CLEC2L: variants seen among roughly 807,000 people sequenced by gnomAD.
CLEC2L encodes C-type lectin domain family 2 member L, also known as C-type lectin domain family 2, member L.
A neutral mutation model predicts 23.6 loss-of-function variants in CLEC2L; 14 were observed. The observed-to-expected ratio is 0.59, with a 90% CI of 0.39 to 0.93. The LOEUF (loss-of-function observed/expected upper bound fraction) is 0.93. CLEC2L is among the 40% of genes least tolerant of loss of function. The pLI is 0.00. For synonymous variants in CLEC2L, 114 were observed against 121.3 expected (o/e 0.94, Z 0.40); for missense variants, 264 against 282.4 (o/e 0.93, Z 0.47).
chr7:139,538,806 G>C (rs1797696955), intron 2 of CLEC2L, among the ~76,000 whole-genome samples: 1 of 152,096 alleles, frequency 6.6e-6, no homozygotes, highest in Non-Finnish European at 1.5e-5. Flanking sequence ...CAACCACTGG[G>C]CCTAGCTTAA....
At chr7:139,525,547 C>T (rs1439006829) in intron 1 of CLEC2L, among the ~76,000 whole-genome samples, 1 of 151,282 alleles carries the variant, frequency 6.6e-6, no homozygotes, top group South Asian at 2.1e-4. Flanking sequence ...TGGTCAGACA[C>T]CCCCCCGTGA....
chr7:139,529,532 G>C (rs907861601), intron 1 of CLEC2L, among the ~76,000 whole-genome samples: 2 of 152,184 alleles, frequency 1.3e-5, no homozygotes, highest in African/African-American at 4.8e-5. Flanking sequence ...GTAGCTCCAG[G>C]AAACTGTGAT....
Position 139,540,376 on chromosome 7 carries a change from C to T in CLEC2L, c.321C>T (p.Tyr107=), listed in dbSNP as rs764635541. 9.9e-6 allele frequency: 16 copies of T among 1,611,434 alleles called. No individual in the cohort carries two copies. The highest frequency in any genetic ancestry group is 6.7e-5 in the East Asian group (3 of 44,850). ...EAPCPEDWLL[Y]GRKCYFFSEE... The stretch of plus-strand genomic sequence containing the variant: ...CCTGCCCGGAGGACTGGCTGCTCTA[C>T]GGAAGGAAGTGCTACTTCTTTTCCG... Residue 107 remains tyrosine, a synonymous_variant, in exon 3 of 5, where the codon TAC becomes TAT. Transcript: ENST00000422142. This position sits in a 1 kb window ranked among gnomAD's most constrained non-coding sequence, Gnocchi z 5.8.
Position 139,540,276 on chromosome 7 carries a change from C to A in CLEC2L, c.266-45C>A. 9.6e-7 allele frequency: 1 copy of A among 1,036,288 alleles called. No individual in the cohort carries two copies. The allele number at this position is 1,036,288 out of a possible 1,614,324, so 64.2% of individuals were successfully genotyped here. ...GAGCCACAGAAAGCAGAGTGGGACT[C>A]GGGCTGGGGGGGCGGGCAGGGCCGA... On this transcript the variant is annotated intron_variant, in intron 2 of 4. Coordinates refer to ENST00000422142, the MANE Select transcript of CLEC2L (RefSeq NM_001080511.4). The surrounding 1 kb of genome is among the most constrained non-coding windows in gnomAD (Gnocchi z 5.8).
intron 1 of CLEC2L, chr7:139,534,519 G>T: frequency 1.3e-6 from 1 of 773,038 alleles, no homozygotes; most frequent in Non-Finnish European, 2.4e-6. Context: ...AGATCTACAT[G>T]CTTCTTCATC....
intron 4 of CLEC2L, among the ~76,000 whole-genome samples, chr7:139,542,562 C>T (rs919181431): frequency 2.0e-5 from 3 of 152,194 alleles, no homozygotes; most frequent in Non-Finnish European, 2.9e-5. Flanking sequence ...ATGGGAGATG[C>T]GCCTCTGTCC....
At position 139,544,608 on chromosome 7, in the gene CLEC2L, T is replaced by C. The variant is rs1168350534; in HGVS notation, c.*266T>C. The C allele has an allele frequency of 1.2e-5, 6 of 502,442 alleles. No individual in the cohort carries two copies. Among genetic ancestry groups the C allele is most frequent in the Non-Finnish European group, 2.2e-5 (6 of 276,380 alleles). The allele number at this position is 502,442 out of a possible 1,614,324, so 31.1% of individuals were successfully genotyped here. On this transcript the variant is annotated 3_prime_UTR_variant, in exon 5 of 5. Coordinates refer to ENST00000422142, the MANE Select transcript of CLEC2L (RefSeq NM_001080511.4). ...ATCTGCCCACCTACACACACACACA[T>C]GCATAGGTACACGCACGCACAGACG...
chr7:139,534,873 C>T (rs1272768751), intron 1 of CLEC2L, among the ~76,000 whole-genome samples: 1 of 151,110 alleles, frequency 6.6e-6, no homozygotes, highest in Admixed American at 6.6e-5. Context: ...TGTAGTAACC[C>T]TTCTTCAAGA....
chr7:139,536,407 C>T (rs1263853541), intron 2 of CLEC2L, 59 bp downstream of exon 2: 19 of 1,405,550 alleles, frequency 1.4e-5, no homozygotes, highest in Middle Eastern at 1.8e-4. Context: ...GTTAAAAGCA[C>T]GTCTAATTAG....
chr7:139,542,456 G>C (rs929036784), intron 4 of CLEC2L, among the ~76,000 whole-genome samples: 1 of 152,182 alleles, frequency 6.6e-6, no homozygotes, highest in Non-Finnish European at 1.5e-5. Context: ...ATCCCATTCA[G>C]CCAGAACGGG....
chr7:139,526,712 A>G (rs1372388580), intron 1 of CLEC2L, among the ~76,000 whole-genome samples: 1 of 152,180 alleles, frequency 6.6e-6, no homozygotes, highest in African/African-American at 2.4e-5. Flanking sequence ...AAGTCAGGTC[A>G]TGATTTCTAC....
intron 1 of CLEC2L, among the ~76,000 whole-genome samples, chr7:139,534,951 T>G (rs1192909083): frequency 6.8e-6 from 1 of 146,850 alleles, no homozygotes; most frequent in East Asian, 1.9e-4. Flanking sequence ...AATAAATAAG[T>G]GTTCTTTAGT....
At chr7:139,535,347 G>T (rs1230114676) in intron 1 of CLEC2L, among the ~76,000 whole-genome samples, 1 of 152,176 alleles carries the variant, frequency 6.6e-6, no homozygotes, top group Non-Finnish European at 1.5e-5. Flanking sequence ...GAAAGTAGAA[G>T]GGTGGTTGCC....
chr7:139,540,341 T>G lies in CLEC2L; in HGVS notation c.286T>G (p.Cys96Gly). The change falls in exon 3 of 5, where the codon TGC (cysteine) becomes GGC (glycine). Residue 96 changes from cysteine to glycine, a missense_variant. Transcript: ENST00000422142. This position sits in a 1 kb window ranked among gnomAD's most constrained non-coding sequence, Gnocchi z 5.8. ...TGCAGCTTCCAAGGGCTGCATCAAG[T>G]GCGAAGCGCCCTGCCCGGAGGACTG... is the stretch of plus-strand genomic sequence containing the variant. ...SILASKGCIKCEAPCPEDWLL... is the reference protein window; with the variant it reads ...SILASKGCIKGEAPCPEDWLL... 1.2e-6 allele frequency: 2 copies of G among 1,610,842 alleles called. No homozygotes were observed. The highest frequency in any genetic ancestry group is 8.5e-7 in the Non-Finnish European group (1 of 1,178,934).
At chr7:139,543,157 A>G (rs1232517714) in intron 4 of CLEC2L, among the ~76,000 whole-genome samples, 1 of 152,118 alleles carries the variant, frequency 6.6e-6, no homozygotes, top group Non-Finnish European at 1.5e-5. Context: ...GCAGCCCTGG[A>G]GGCAGGGGCA....
chr7:139,534,293 CT>C, intron 1 of CLEC2L: 1 of 1,469,890 alleles, frequency 6.8e-7, no homozygotes, highest in Non-Finnish European at 9.5e-7. Flanking sequence ...GAAGGCAGAA[CT>C]TATGCTGACT....
At chr7:139,537,538 G>A (rs563428354) in intron 2 of CLEC2L, among the ~76,000 whole-genome samples, 3 of 152,258 alleles carry the variant, frequency 2.0e-5, no homozygotes, top group South Asian at 2.1e-4. Context: ...ACTAATCCTG[G>A]TGTTGATTCC....
Position 139,523,940 on chromosome 7 carries a change from C to A in CLEC2L, c.13C>A (p.Arg5=). 1 of 975,190 alleles carries A rather than the reference C, an allele frequency of 1.0e-6. No homozygotes were observed. Among genetic ancestry groups the A allele is most frequent in the African/African-American group, 1.8e-5 (1 of 56,402 alleles). 60.4% of individuals were successfully genotyped at this position (975,190 alleles called of 1,614,324 possible). The change falls in exon 1 of 5, where the codon CGG becomes AGG. Residue 5 remains arginine, a synonymous_variant. Transcript: ENST00000422142. This position sits in a 1 kb window ranked among gnomAD's most constrained non-coding sequence, Gnocchi z 4.1. ...CGGAGCGCCCCGCATGGAGCCGGCC[C>A]GGGAGCCCCCCTCGCGGGCCCGGCC... MEPA[R]EPPSRARPPP... is the part of the protein sequence containing the mutation.
intron 1 of CLEC2L, chr7:139,534,459 G>C: frequency 1.2e-6 from 1 of 807,580 alleles, no homozygotes; most frequent in South Asian, 1.3e-5. Flanking sequence ...GGTTTACCGA[G>C]CTGATACCCA....
Sources: allele counts gnomAD v4.1 joint callset (sites outside exome capture counted in the v4.1 genomes callset), GRCh38; gene constraint gnomAD v4.1.1; non-coding constraint Gnocchi (gnomAD v3.1); transcripts MANE v1.5; gene names NCBI Gene and HGNC (gene_info 2026-07-23, HGNC 2026-07-21).